The following ANKRD40 variants were observed in gnomAD, a reference collection of about 807,000 sequenced individuals.
ANKRD40 encodes the protein ankyrin repeat domain-containing protein 40.
Under a neutral mutation model 35.5 loss-of-function variants are expected in ANKRD40, and 24 were observed. The observed-to-expected ratio is 0.68, with a 90% CI of 0.49 to 0.95. ANKRD40 has a LOEUF of 0.95. ANKRD40 is among the 40% of genes least tolerant of loss of function. The probability of loss-of-function intolerance (pLI) is 0.00; values close to 1 mark genes in which losing one functional copy is unlikely to be tolerated. For missense variants in ANKRD40, 361 were observed against 436.0 expected (o/e 0.83, Z 1.53); for synonymous variants, 147 against 173.5 (o/e 0.85, Z 1.20).
intron 3 of ANKRD40, among the ~76,000 whole-genome samples, chr17:50,697,865 G>A (rs546138229): frequency 6.6e-5 from 10 of 152,290 alleles, no homozygotes; most frequent in Admixed American, 4.6e-4. Context: ...TCAAAAACAG[G>A]AAGTGAGAGA....
chr17:50,698,119 G>C (rs977794997), intron 3 of ANKRD40, among the ~76,000 whole-genome samples: 1 of 119,580 alleles, frequency 8.4e-6, no homozygotes, highest in Admixed American at 8.3e-5. Flanking sequence ...GGGCCCAAGT[G>C]GGAGGCAAGT....
chr17:50,700,376 G>A, intron 2 of ANKRD40, 192 bp downstream of exon 2: 1 of 503,172 alleles, frequency 2.0e-6, no homozygotes, highest in Non-Finnish European at 3.4e-6. Flanking sequence ...CTGGGAGGCA[G>A]AGGTTGTGGT....
chr17:50,698,103 C>T (rs1968221388), intron 3 of ANKRD40, among the ~76,000 whole-genome samples: 1 of 151,980 alleles, frequency 6.6e-6, no homozygotes, highest in African/African-American at 2.4e-5. Flanking sequence ...GAATACCATT[C>T]TCGGTGGGCC....
chr17:50,698,237 C>T (rs374323997), intron 3 of ANKRD40, among the ~76,000 whole-genome samples: 6 of 152,068 alleles, frequency 3.9e-5, no homozygotes, highest in African/African-American at 1.4e-4. Flanking sequence ...AAGCCCGGAA[C>T]ATCTTGCTGC....
chr17:50,706,207 C>T (rs1178701250), intron 1 of ANKRD40, among the ~76,000 whole-genome samples: 2 of 151,632 alleles, frequency 1.3e-5, no homozygotes, highest in African/African-American at 2.4e-5. Context: ...CTGCAACCTC[C>T]GCCTCCCAGG....
At chr17:50,701,000 T>C (rs1968266517) in intron 1 of ANKRD40, 1 of 300,676 alleles carries the variant, frequency 3.3e-6, no homozygotes, top group Non-Finnish European at 6.3e-6. Flanking sequence ...CTAACTCCAA[T>C]GATACCGTGG....
At chr17:50,706,758 G>A (rs1968343780) in intron 1 of ANKRD40, among the ~76,000 whole-genome samples, 1 of 145,688 alleles carries the variant, frequency 6.9e-6, no homozygotes, top group Non-Finnish European at 1.5e-5. Context: ...AAAAAAATTA[G>A]CCGGGTGTGG....
rs1432506334 is a variant in ANKRD40 at position 50,695,099 on chromosome 17, T to G, written c.*898A>C. ...TAAAAAAAAAGTGGGCTGGGTGCAG[T>G]GGCTCACACCTGTAATCCCAGCACT... is the stretch of plus-strand genomic sequence containing the variant. On this transcript the variant is annotated 3_prime_UTR_variant, in exon 5 of 5. Coordinates refer to ENST00000285243, the MANE Select transcript of ANKRD40 (RefSeq NM_052855.4). The G allele has an allele frequency of 6.6e-6, 1 of 151,500 alleles. No homozygotes were observed. Among genetic ancestry groups the G allele is most frequent in the Non-Finnish European group, 1.5e-5 (1 of 68,002 alleles). 9.4% of individuals were successfully genotyped at this position (151,500 alleles called of 1,614,324 possible).
At position 50,699,552 on chromosome 17, in the gene ANKRD40, A is replaced by G. The variant is rs1968241509; in HGVS notation, c.625T>C (p.Cys209Arg). 4 of 1,614,082 alleles carry G rather than the reference A, an allele frequency of 2.5e-6. No homozygotes were observed. Among genetic ancestry groups the G allele is most frequent in the Non-Finnish European group, 2.5e-6 (3 of 1,180,044 alleles). Residue 209 changes from cysteine to arginine, a missense_variant, in exon 3 of 5, where the codon TGT (cysteine) becomes CGT (arginine). Physicochemically the swap from Cys to Arg is radical, Grantham distance 180. Transcript: ENST00000285243. ...CGGCTCTGACTCACTGGTGGCTGAC[A>G]AACAGGACCCGGTTTTGTGCTTTCT... ...TPESTKPGPV[C>R]QPPVSQSRSL...
chr17:50,702,793 T>TA (rs1481453978), intron 1 of ANKRD40, among the ~76,000 whole-genome samples: 1 of 152,140 alleles, frequency 6.6e-6, no homozygotes, highest in African/African-American at 2.4e-5. Flanking sequence ...CCCTGTGCCT[T>TA]AGTGATCATC....
chr17:50,700,369 G>A, intron 2 of ANKRD40, 199 bp downstream of exon 2: 1 of 475,666 alleles, frequency 2.1e-6, no homozygotes. Flanking sequence ...CTTGAACCTG[G>A]GAGGCAGAGG....
Position 50,699,774 on chromosome 17 carries a change from G to T in ANKRD40, c.403C>A (p.Pro135Thr). 3 of 1,604,890 alleles carry T rather than the reference G, an allele frequency of 1.9e-6. No individual in the cohort carries two copies. The highest frequency in any genetic ancestry group is 2.6e-6 in the Non-Finnish European group (3 of 1,174,508). Residue 135 changes from proline (P) to threonine (T), a missense_variant, in exon 3 of 5, where the codon CCC becomes ACC. By Grantham distance (38) the Pro-to-Thr change is conservative. Around this residue, in one of 5 missense-constraint regions of ANKRD40, gnomAD observed 172 missense variants for 174.0 expected, o/e 0.99. Coordinates refer to ENST00000285243, the MANE Select transcript of ANKRD40 (RefSeq NM_052855.4). ...ATCTGGGCTGAATCCTCTGCTGTGG[G>T]TGTATAGATAAAAGGGAAGGCTGGG... ...ANPAFPFIYT[P>T]TAEDSAQMQN...
Position 50,695,835 on chromosome 17 carries a change from G to A in ANKRD40, c.*162C>T, listed in dbSNP as rs1968194524. The A allele has an allele frequency of 1.4e-6, 1 of 738,546 alleles. No individual in the cohort carries two copies. Among genetic ancestry groups the A allele is most frequent in the Non-Finnish European group, 2.1e-6 (1 of 478,556 alleles). The allele number at this position is 738,546 out of a possible 1,614,324, so 45.7% of individuals were successfully genotyped here. A position where few individuals can be genotyped will look rare whatever the true frequency, so the allele number is the denominator to read the frequency against. On this transcript the variant is annotated 3_prime_UTR_variant, in exon 5 of 5. Transcript: ENST00000285243. ...CTTGGAAGAGTGGCACCACTGCTTG[G>A]GGGTCAGGGGCTTCCTACCTTGGCA...
chr17:50,706,234 G>T (rs1335740614), intron 1 of ANKRD40, among the ~76,000 whole-genome samples: 1 of 151,258 alleles, frequency 6.6e-6, no homozygotes, highest in Non-Finnish European at 1.5e-5. Flanking sequence ...TGATTCTCCT[G>T]CCTCAGCCTC....
chr17:50,706,529 C>A (rs771625529), intron 1 of ANKRD40, among the ~76,000 whole-genome samples: 3 of 152,034 alleles, frequency 2.0e-5, no homozygotes, highest in Non-Finnish European at 4.4e-5. Context: ...TAAGATGAGA[C>A]TCCTTATTTA....
Position 50,697,097 on chromosome 17 carries a change from T to C in ANKRD40, c.803A>G (p.Gln268Arg), listed in dbSNP as rs759060373. Residue 268 changes from glutamine (Q) to arginine (R), a missense_variant, in exon 4 of 5, where the codon CAG (glutamine) becomes CGG (arginine). Around this residue, in one of 5 missense-constraint regions of ANKRD40, gnomAD observed 93 missense variants for 129.6 expected, o/e 0.72. Coordinates refer to ENST00000285243, the MANE Select transcript of ANKRD40 (RefSeq NM_052855.4). ...ATCATTTTCTCGAAGAGATGGGTTC[T>C]GAATTCTCACCTTGAGTACCAGCTC... ...MQELVLKVRIQNPSLRENDFI... is the reference protein window; with the variant it reads ...MQELVLKVRIRNPSLRENDFI... 4 of 1,613,270 alleles carry C rather than the reference T, an allele frequency of 2.5e-6. No individual in the cohort carries two copies. In the East Asian group the frequency reaches 8.9e-5, roughly 36 times the overall value.
At position 50,707,905 on chromosome 17, in the gene ANKRD40, G is replaced by A. The variant is rs1457879913; in HGVS notation, c.-251C>T. 6.4e-6 allele frequency: 1 copy of A among 156,752 alleles called. No individual in the cohort carries two copies. The highest frequency in any genetic ancestry group is 1.4e-5 in the Non-Finnish European group (1 of 71,444). The allele number at this position is 156,752 out of a possible 1,614,324, so 9.7% of individuals were successfully genotyped here. On this transcript the variant is annotated 5_prime_UTR_variant, in exon 1 of 5. Transcript: ENST00000285243. The surrounding 1 kb of genome is among the most constrained non-coding windows in gnomAD (Gnocchi z 4.8). Reference sequence around the variant, plus strand: ...CGCCTCCCGAAGGCCGGCTCCGGGGGACCCTGTTCAGTGTGACAACGCTGA... The same window carrying A: ...CGCCTCCCGAAGGCCGGCTCCGGGGAACCCTGTTCAGTGTGACAACGCTGA...
At chr17:50,696,245 A>G in intron 4 of ANKRD40, 102 bp from the exon 5 acceptor site, 1 of 1,306,026 alleles carries the variant, frequency 7.7e-7, no homozygotes, top group East Asian at 2.4e-5. Context: ...CAAAACCTAG[A>G]AGAAAAAAAA....
In ANKRD40 at chr17:50,699,648, G is replaced by A. The variant is rs1358649196; in HGVS notation, c.529C>T (p.Arg177Trp). Residue 177 changes from arginine to tryptophan, a missense_variant, in exon 3 of 5, where the codon CGG becomes TGG. Around this residue, in one of 5 missense-constraint regions of ANKRD40, gnomAD observed 172 missense variants for 174.0 expected, o/e 0.99. Coordinates refer to ENST00000285243, the MANE Select transcript of ANKRD40 (RefSeq NM_052855.4). ...ACTAGTGCCAAAGAGGTGTGGTCCC[G>A]GGGAAAGGTCCCTAACAGGGGAGGT... is the stretch of plus-strand genomic sequence containing the variant. ...GEPPLLGTFPRDHTSLALVQN... is the reference protein window; with the variant it reads ...GEPPLLGTFPWDHTSLALVQN... 8 of 1,614,054 alleles carry A rather than the reference G, an allele frequency of 5.0e-6. No individual in the cohort carries two copies. The highest frequency in any genetic ancestry group is 2.2e-5 in the East Asian group (1 of 44,896).
Sources: gnomAD v4.1 joint callset for allele counts (sites outside exome capture counted in the v4.1 genomes callset) on GRCh38, gnomAD v4.1.1 for gene constraint, gnomAD v4.1.1 regional missense constraint, Gnocchi (gnomAD v3.1) non-coding constraint, MANE v1.5 for transcripts, NCBI Gene and HGNC (gene_info 2026-07-23, HGNC 2026-07-21) for gene names.